The following DEUP1 variants were observed in gnomAD, a reference collection of about 807,000 sequenced individuals.
DEUP1 encodes the protein deuterosome assembly protein 1.
A neutral mutation model predicts 87.4 loss-of-function variants in DEUP1; 82 were observed. The ratio of observed to expected loss-of-function variants is 0.94; its 90% CI spans 0.78 to 1.13. The LOEUF (loss-of-function observed/expected upper bound fraction) is 1.13. Ranked by LOEUF, DEUP1 falls within the 50% of genes most tolerant of loss-of-function variation. The pLI is 0.00. For missense variants in DEUP1, 663 were observed against 681.5 expected, an observed-to-expected ratio of 0.97 and a Z score of 0.30; for synonymous variants, 214 against 222.7, an observed-to-expected ratio of 0.96 and a Z score of 0.35.
intron 13 of DEUP1, among the ~76,000 whole-genome samples, chr11:93,429,384 T>C (rs979249480): frequency 6.6e-6 from 1 of 152,182 alleles, no homozygotes; most frequent in Non-Finnish European, 1.5e-5. Context: ...AAATTCTGCA[T>C]CAATAAAACT....
intron 7 of DEUP1, among the ~76,000 whole-genome samples, chr11:93,383,908 G>T (rs1259253299): frequency 6.6e-6 from 1 of 152,102 alleles, no homozygotes; most frequent in Non-Finnish European, 1.5e-5. Context: ...CCAAAATCTG[G>T]TAGTTATGAG....
chr11:93,404,857 A>T (rs1290297552), intron 11 of DEUP1, among the ~76,000 whole-genome samples: 1 of 152,076 alleles, frequency 6.6e-6, no homozygotes, highest in Non-Finnish European at 1.5e-5. Context: ...TGCATTTAAG[A>T]AAAATATTAA....
intron 13 of DEUP1, among the ~76,000 whole-genome samples, chr11:93,416,321 T>C (rs1022030335): frequency 2.0e-5 from 3 of 151,826 alleles, no homozygotes; most frequent in Non-Finnish European, 4.4e-5. Flanking sequence ...AAGAATCAAA[T>C]AGATGCAATA....
intron 11 of DEUP1, among the ~76,000 whole-genome samples, chr11:93,403,149 G>T (rs568529264): frequency 6.6e-6 from 1 of 151,918 alleles, no homozygotes; most frequent in Non-Finnish European, 1.5e-5. Context: ...AATAAAAGAA[G>T]AATTTAAAAT....
chr11:93,379,556 A>G (rs1946200998), intron 7 of DEUP1, among the ~76,000 whole-genome samples: 1 of 152,126 alleles, frequency 6.6e-6, no homozygotes, highest in African/African-American at 2.4e-5. Flanking sequence ...TGGCAAGGAG[A>G]GGGAGAGTGC....
intron 2 of DEUP1, among the ~76,000 whole-genome samples, chr11:93,335,307 A>G (rs1020481337): frequency 9.2e-5 from 14 of 152,216 alleles, no homozygotes; most frequent in African/African-American, 3.4e-4. Flanking sequence ...CTTGTAGTCT[A>G]TTGCAGGATC....
intron 5 of DEUP1, among the ~76,000 whole-genome samples, chr11:93,366,087 GA>G (rs1287671564): frequency 6.6e-6 from 1 of 152,120 alleles, no homozygotes; most frequent in East Asian, 1.9e-4. Context: ...TTGTTATGGT[GA>G]AAAAAATTTA....
chr11:93,365,595 CT>C (rs1486325863), intron 5 of DEUP1, among the ~76,000 whole-genome samples: 3 of 152,074 alleles, frequency 2.0e-5, no homozygotes, highest in African/African-American at 4.8e-5. Flanking sequence ...CAAAAAAAGC[CT>C]TAAGTTAGTA....
intron 7 of DEUP1, among the ~76,000 whole-genome samples, chr11:93,381,489 G>A (rs1291488444): frequency 6.6e-6 from 1 of 152,024 alleles, no homozygotes; most frequent in Non-Finnish European, 1.5e-5. Flanking sequence ...ATTTTCACAT[G>A]AATCACATCT....
intron 2 of DEUP1, among the ~76,000 whole-genome samples, chr11:93,339,472 A>C (rs1443697428): frequency 2.0e-5 from 3 of 152,238 alleles, no homozygotes; most frequent in Non-Finnish European, 4.4e-5. Flanking sequence ...AAATGGTTCA[A>C]GAATAGGAAA....
chr11:93,357,168 GTCA>G (rs1448976566), intron 4 of DEUP1, 125 bp downstream of exon 4: 5 of 627,118 alleles, frequency 8.0e-6, no homozygotes, highest in Non-Finnish European at 1.4e-5. Context: ...TATAAGCTTG[GTCA>G]TGTCTTTCCC....
At chr11:93,429,089 T>C (rs1948026089) in intron 13 of DEUP1, among the ~76,000 whole-genome samples, 2 of 152,182 alleles carry the variant, frequency 1.3e-5, no homozygotes, top group African/African-American at 4.8e-5. Context: ...TATTATTGAT[T>C]TATGGGTATC....
At chr11:93,358,024 T>G (rs1324928987) in intron 4 of DEUP1, among the ~76,000 whole-genome samples, 2 of 152,178 alleles carry the variant, frequency 1.3e-5, no homozygotes, top group African/African-American at 4.8e-5. Flanking sequence ...CCTTTATTTT[T>G]CTATGAAGAT....
intron 2 of DEUP1, among the ~76,000 whole-genome samples, chr11:93,348,996 T>C (rs1227172973): frequency 6.6e-6 from 1 of 152,140 alleles, no homozygotes; most frequent in Non-Finnish European, 1.5e-5. Context: ...ATCCCAAACA[T>C]AAGCTCAGAT....
intron 2 of DEUP1, among the ~76,000 whole-genome samples, chr11:93,349,414 T>TCA (rs56318371): frequency 0.57 from 85,839 of 151,808 alleles, 24,727 homozygotes; most frequent in Admixed American, 0.67. Flanking sequence ...CAATGTGATA[T>TCA]CTGCTTTACC....
chr11:93,391,461 G>A (rs914699300), intron 9 of DEUP1, among the ~76,000 whole-genome samples: 9 of 152,148 alleles, frequency 5.9e-5, no homozygotes, highest in African/African-American at 1.9e-4. Context: ...TGTAATCCCA[G>A]CACTTTGGGA....
intron 11 of DEUP1, among the ~76,000 whole-genome samples, chr11:93,398,031 A>G (rs1287398668): frequency 6.6e-6 from 1 of 151,978 alleles, no homozygotes; most frequent in African/African-American, 2.4e-5. Flanking sequence ...ATCTACCCGC[A>G]TTATACCCCC....
chr11:93,395,080 T>A (rs1264374908), intron 10 of DEUP1, among the ~76,000 whole-genome samples: 1 of 152,198 alleles, frequency 6.6e-6, no homozygotes, highest in Non-Finnish European at 1.5e-5. Context: ...TCAGGCTTTT[T>A]ACAAATGGAT....
At position 93,370,171 on chromosome 11, in the gene DEUP1, G is replaced by A; in HGVS notation, c.531G>A (p.Lys177=). Residue 177 remains lysine, a synonymous_variant, in exon 6 of 14, where the codon AAG becomes AAA. Coordinates refer to ENST00000298050, the MANE Select transcript of DEUP1 (RefSeq NM_181645.4). ...LDAQQKLLSE[K]CNQFQKQAQS... Reference sequence around the variant, plus strand: ...CTCAACAAAAATTATTATCTGAGAAGTGTAATCAGTTTCAGGTAAGTTATC... The same window carrying A: ...CTCAACAAAAATTATTATCTGAGAAATGTAATCAGTTTCAGGTAAGTTATC... 1 of 1,550,358 alleles carries A rather than the reference G, an allele frequency of 6.5e-7. No homozygotes were observed. Among genetic ancestry groups the A allele is most frequent in the Non-Finnish European group, 8.9e-7 (1 of 1,127,004 alleles).
Sources: gnomAD v4.1 joint callset for allele counts (sites outside exome capture counted in the v4.1 genomes callset) on GRCh38, gnomAD v4.1.1 for gene constraint, MANE v1.5 for transcripts, NCBI Gene and HGNC (gene_info 2026-07-23, HGNC 2026-07-21) for gene names.